CDH12: variants seen among roughly 807,000 people sequenced by gnomAD.
CDH12 encodes the protein cadherin 12.
A neutral mutation model predicts 74.1 loss-of-function variants in CDH12; 41 were observed. That is an observed-to-expected ratio of 0.55 (90% confidence interval 0.43 to 0.72). The LOEUF (loss-of-function observed/expected upper bound fraction) is 0.72, where lower values mean the gene tolerates loss of function less well. Ranked by LOEUF, CDH12 falls within the 30% of genes least tolerant of loss-of-function variation. CDH12 has a pLI of 0.00. For synonymous variants in CDH12, 399 were observed against 355.0 expected (o/e 1.12, Z -1.39); for missense variants, 945 against 977.2 (o/e 0.97, Z 0.44).
intron 1 of CDH12, among the ~76,000 whole-genome samples, chr5:22,672,297 C>T (rs1206318203): frequency 2.0e-5 from 3 of 151,290 alleles, no homozygotes; most frequent in Non-Finnish European, 4.4e-5. Flanking sequence ...ATTATCATAA[C>T]CAAGAGTATA....
At chr5:22,787,704 A>G (rs547654376) in intron 1 of CDH12, among the ~76,000 whole-genome samples, 2 of 152,276 alleles carry the variant, frequency 1.3e-5, no homozygotes, top group Admixed American at 6.5e-5. Context: ...GGCTGCAATC[A>G]TGGTAGTAGC....
intron 2 of CDH12, among the ~76,000 whole-genome samples, chr5:22,465,665 A>C (rs1229474471): frequency 1.3e-5 from 2 of 151,936 alleles, no homozygotes; most frequent in East Asian, 3.9e-4. Flanking sequence ...CAAACAAAAA[A>C]CATGTAAGAA....
chr5:21,878,525 T>G (rs1258193096), intron 6 of CDH12, among the ~76,000 whole-genome samples: 1 of 144,502 alleles, frequency 6.9e-6, no homozygotes, highest in East Asian at 2.0e-4. Flanking sequence ...GCCTAGGAGT[T>G]GCAGACCAGC....
intron 3 of CDH12, among the ~76,000 whole-genome samples, chr5:22,243,101 G>C (rs570063666): frequency 1.3e-5 from 2 of 152,036 alleles, no homozygotes; most frequent in African/African-American, 4.8e-5. Flanking sequence ...AAGATTAATT[G>C]TTGAACTTTC....
intron 4 of CDH12, among the ~76,000 whole-genome samples, chr5:22,132,681 C>A (rs550850095): frequency 1.1e-4 from 17 of 152,154 alleles, no homozygotes; most frequent in South Asian, 2.1e-4. Flanking sequence ...TAGTCAAATA[C>A]AAGTAAAACC....
chr5:21,969,420 T>C (rs1756734581), intron 6 of CDH12, among the ~76,000 whole-genome samples: 1 of 152,140 alleles, frequency 6.6e-6, no homozygotes, highest in South Asian at 2.1e-4. Flanking sequence ...AGAAGGGATG[T>C]GATGTCACTT....
intron 3 of CDH12, among the ~76,000 whole-genome samples, chr5:22,269,211 T>A (rs1017678407): frequency 1.3e-5 from 2 of 152,302 alleles, no homozygotes; most frequent in South Asian, 2.1e-4. Context: ...TATTACCACT[T>A]GGCTAAAAAT....
At position 22,562,333 on chromosome 5, in the gene CDH12, A is replaced by AAAC. The variant is rs572956435; in HGVS notation, c.-522-56970_-522-56969insGTT. Among the ~76,000 whole-genome samples, 996 of 149,126 alleles carry AAAC rather than the reference A, an allele frequency of 6.7e-3. 9 individuals are homozygous for AAAC. Among genetic ancestry groups the AAAC allele is most frequent in the African/African-American group, 0.022 (916 of 41,290 alleles). On this transcript the variant is annotated intron_variant, in intron 1 of 14. Coordinates refer to ENST00000382254, the MANE Select transcript of CDH12 (RefSeq NM_004061.5). ...CTCCGTCTCAAAAACAAAAACAAAA[A>AAAC]ACAAACAAACAAAAAAAAACATACA...
chr5:22,834,858 C>A, intron 1 of CDH12, among the ~76,000 whole-genome samples: 1 of 150,528 alleles, frequency 6.6e-6, no homozygotes, highest in East Asian at 1.9e-4. Context: ...AGGAAGAAAA[C>A]AAGAGGGGAT....
chr5:22,164,528 A>C (rs1385435678), intron 4 of CDH12, among the ~76,000 whole-genome samples: 2 of 152,176 alleles, frequency 1.3e-5, no homozygotes, highest in African/African-American at 4.8e-5. Flanking sequence ...AGCTCAGCTC[A>C]AGCCGTAATA....
At chr5:21,901,701 T>G (rs1753393189) in intron 6 of CDH12, among the ~76,000 whole-genome samples, 1 of 152,080 alleles carries the variant, frequency 6.6e-6, no homozygotes, top group Non-Finnish European at 1.5e-5. Context: ...CCTCCACATA[T>G]GATTTTCCAA....
chr5:22,613,009 G>A (rs1294848927), intron 1 of CDH12, among the ~76,000 whole-genome samples: 1 of 152,022 alleles, frequency 6.6e-6, no homozygotes, highest in Non-Finnish European at 1.5e-5. Flanking sequence ...CACTTTATCT[G>A]GAAATTCTGC....
chr5:22,793,740 G>A (rs546871978), intron 1 of CDH12, among the ~76,000 whole-genome samples: 7 of 149,460 alleles, frequency 4.7e-5, no homozygotes, highest in Non-Finnish European at 7.4e-5. Context: ...TCATGTGCCC[G>A]CACTCTTTAA....
chr5:22,249,226 G>C (rs1439857822), intron 3 of CDH12, among the ~76,000 whole-genome samples: 1 of 152,158 alleles, frequency 6.6e-6, no homozygotes, highest in East Asian at 1.9e-4. Context: ...TAGAGCCATA[G>C]GGTTCTTCCC....
intron 5 of CDH12, among the ~76,000 whole-genome samples, chr5:22,029,148 C>G (rs1465057462): frequency 1.3e-5 from 2 of 152,110 alleles, no homozygotes; most frequent in Non-Finnish European, 2.9e-5. Context: ...ATACCTAAAA[C>G]CATAAAAACC....
At chr5:22,260,364 G>A (rs1411802656) in intron 3 of CDH12, among the ~76,000 whole-genome samples, 2 of 151,966 alleles carry the variant, frequency 1.3e-5, no homozygotes, top group African/African-American at 2.4e-5. Flanking sequence ...GTGTATTATG[G>A]TTCAACCACA....
chr5:22,196,762 C>T lies in CDH12; in HGVS notation c.-187+15736G>A, dbSNP rs551891169. 2.8e-4 allele frequency among the ~76,000 whole-genome samples: 43 copies of T among 152,268 alleles called. No individual in the cohort carries two copies. In the East Asian group the frequency reaches 6.8e-3, roughly 24 times the overall value. ...ACTTCTCCTTGTTGCCTGTGTTCTCCTTTCAATCTCAGCCTAAAGTTCTTG... is the reference window on the plus strand; with the variant it reads ...ACTTCTCCTTGTTGCCTGTGTTCTCTTTTCAATCTCAGCCTAAAGTTCTTG... On this transcript the variant is annotated intron_variant, in intron 4 of 14. Transcript: ENST00000382254.
chr5:22,223,488 A>G (rs1752087412), intron 3 of CDH12, among the ~76,000 whole-genome samples: 1 of 152,060 alleles, frequency 6.6e-6, no homozygotes, highest in Admixed American at 6.6e-5. Context: ...CTGCACCATT[A>G]AGTCAGTGAC....
At chr5:22,254,433 G>A (rs1753235103) in intron 3 of CDH12, among the ~76,000 whole-genome samples, 1 of 151,772 alleles carries the variant, frequency 6.6e-6, no homozygotes, top group Non-Finnish European at 1.5e-5. Context: ...CACATCAGAA[G>A]ATGACCAAGA....
Sources: allele counts gnomAD v4.1 joint callset (sites outside exome capture counted in the v4.1 genomes callset), GRCh38; gene constraint gnomAD v4.1.1; transcripts MANE v1.5; gene names NCBI Gene and HGNC (gene_info 2026-07-23, HGNC 2026-07-21).